MACROD2: variants seen among roughly 807,000 people sequenced by gnomAD.
MACROD2 encodes mono-ADP ribosylhydrolase 2.
In MACROD2, 36 loss-of-function variants were observed where a neutral mutation model predicts 70.4. That is an observed-to-expected ratio of 0.51 (90% confidence interval 0.39 to 0.68). The LOEUF is 0.68. Among genes scored for constraint, MACROD2 ranks in the 30% least tolerant of loss-of-function variants. The pLI is 0.00. For missense variants in MACROD2, 496 were observed against 538.4 expected, an observed-to-expected ratio of 0.92 and a Z score of 0.78; for synonymous variants, 172 against 178.8, an observed-to-expected ratio of 0.96 and a Z score of 0.30.
chr20:13,999,006 A>G (rs1353890809), intron 1 of MACROD2, among the ~76,000 whole-genome samples: 1 of 152,066 alleles, frequency 6.6e-6, no homozygotes, highest in African/African-American at 2.4e-5. Context: ...TGTAATATGA[A>G]CAGCCCTAAC....
intron 3 of MACROD2, among the ~76,000 whole-genome samples, chr20:14,200,061 A>G (rs180978028): frequency 8.5e-4 from 129 of 152,320 alleles, no homozygotes; most frequent in Admixed American, 1.4e-3. Context: ...TTGAGAATTG[A>G]ATTATTGTGT....
At chr20:15,872,478 T>A (rs1232878826) in intron 9 of MACROD2, among the ~76,000 whole-genome samples, 1 of 152,198 alleles carries the variant, frequency 6.6e-6, no homozygotes, top group Non-Finnish European at 1.5e-5. Flanking sequence ...TCTCATCTTG[T>A]CACAGCCACC....
intron 5 of MACROD2, among the ~76,000 whole-genome samples, chr20:14,743,447 C>G (rs2123723324): frequency 6.6e-6 from 1 of 152,178 alleles, no homozygotes; most frequent in Non-Finnish European, 1.5e-5. Flanking sequence ...AAAAAAGACA[C>G]AGAGATACAA....
chr20:15,317,308 A>G (rs2146162959), intron 6 of MACROD2, among the ~76,000 whole-genome samples: 1 of 152,204 alleles, frequency 6.6e-6, no homozygotes, highest in East Asian at 1.9e-4. Context: ...ATTTCTATAG[A>G]CCTACAACAA....
chr20:15,308,111 A>G (rs1249086072), intron 6 of MACROD2, among the ~76,000 whole-genome samples: 2 of 152,164 alleles, frequency 1.3e-5, no homozygotes, highest in Non-Finnish European at 2.9e-5. Flanking sequence ...TATGGATGGT[A>G]TCTGCTCAAT....
At chr20:14,816,104 G>A (rs534668352) in intron 5 of MACROD2, among the ~76,000 whole-genome samples, 24 of 152,148 alleles carry the variant, frequency 1.6e-4, no homozygotes, top group African/African-American at 5.3e-4. Flanking sequence ...AAAATGGAAT[G>A]AGCAATACGC....
At chr20:15,180,831 C>T (rs977289224) in intron 5 of MACROD2, among the ~76,000 whole-genome samples, 1 of 152,194 alleles carries the variant, frequency 6.6e-6, no homozygotes, top group Non-Finnish European at 1.5e-5. Context: ...TGGACAGCAT[C>T]ATAAAATTAA....
intron 12 of MACROD2, among the ~76,000 whole-genome samples, chr20:15,956,954 A>G (rs776995309): frequency 3.3e-5 from 5 of 152,238 alleles, no homozygotes; most frequent in Non-Finnish European, 7.3e-5. Flanking sequence ...CAGCCTTCAG[A>G]GTGCAATTAA....
At chr20:14,152,575 C>T (rs2055040180) in intron 3 of MACROD2, among the ~76,000 whole-genome samples, 1 of 151,894 alleles carries the variant, frequency 6.6e-6, no homozygotes, top group Non-Finnish European at 1.5e-5. Context: ...TACAGATGTG[C>T]ACCACCATGC....
chr20:14,016,891 A>T (rs1265737754), intron 2 of MACROD2, among the ~76,000 whole-genome samples: 1 of 152,060 alleles, frequency 6.6e-6, no homozygotes, highest in Non-Finnish European at 1.5e-5. Flanking sequence ...CACAAAAAAT[A>T]CTGTTGGGAT....
intron 5 of MACROD2, among the ~76,000 whole-genome samples, chr20:14,842,506 G>A (rs951707150): frequency 2.0e-5 from 3 of 151,960 alleles, no homozygotes; most frequent in Non-Finnish European, 4.4e-5. Flanking sequence ...TTTCTGTTCT[G>A]TTTACAGTAT....
intron 10 of MACROD2, among the ~76,000 whole-genome samples, chr20:15,914,717 T>G (rs1258436854): frequency 6.6e-6 from 1 of 152,116 alleles, no homozygotes; most frequent in Non-Finnish European, 1.5e-5. Context: ...CCTTACACTA[T>G]CTAGAGTGAG....
intron 5 of MACROD2, among the ~76,000 whole-genome samples, chr20:14,689,519 A>G (rs2071038847): frequency 6.6e-6 from 1 of 152,210 alleles, no homozygotes; most frequent in Non-Finnish European, 1.5e-5. Flanking sequence ...ACACAGACTC[A>G]TTAGCCTGAT....
chr20:15,420,233 A>G (rs2046209252), intron 6 of MACROD2, among the ~76,000 whole-genome samples: 1 of 152,206 alleles, frequency 6.6e-6, no homozygotes, highest in Non-Finnish European at 1.5e-5. Flanking sequence ...AAAGTTTGAA[A>G]GAGGGCTGCT....
At chr20:14,651,054 C>A (rs995702355) in intron 4 of MACROD2, among the ~76,000 whole-genome samples, 1 of 152,152 alleles carries the variant, frequency 6.6e-6, no homozygotes, top group Admixed American at 6.5e-5. Flanking sequence ...TATAGAATGT[C>A]AAGAGGGGTT....
chr20:15,003,870 C>T (rs553267069), intron 5 of MACROD2, among the ~76,000 whole-genome samples: 1 of 152,272 alleles, frequency 6.6e-6, no homozygotes, highest in African/African-American at 2.4e-5. Context: ...ATTGTAGAAC[C>T]TAAGATTGGC....
intron 5 of MACROD2, among the ~76,000 whole-genome samples, chr20:15,228,757 G>A (rs1032630194): frequency 1.3e-5 from 2 of 151,772 alleles, no homozygotes; most frequent in African/African-American, 4.8e-5. Context: ...CAAAGTGCTG[G>A]GATTACAGGC....
intron 6 of MACROD2, among the ~76,000 whole-genome samples, chr20:15,263,931 G>A (rs1328007583): frequency 5.9e-5 from 9 of 151,800 alleles, no homozygotes; most frequent in Non-Finnish European, 5.9e-5. Flanking sequence ...TAGTTTTTTT[G>A]GTGGAATCTT....
chr20:14,842,762 G>A (rs1184527213), intron 5 of MACROD2, among the ~76,000 whole-genome samples: 1 of 151,984 alleles, frequency 6.6e-6, no homozygotes, highest in Non-Finnish European at 1.5e-5. Context: ...TTTTCATTCA[G>A]ATATAGGAAA....
Sources: allele counts gnomAD v4.1 joint callset (sites outside exome capture counted in the v4.1 genomes callset), GRCh38; gene constraint gnomAD v4.1.1; transcripts MANE v1.5; gene names NCBI Gene and HGNC (gene_info 2026-07-23, HGNC 2026-07-21).